The following ITPR2 variants were observed in gnomAD, a reference collection of about 807,000 sequenced individuals.
ITPR2 encodes inositol 1,4,5-trisphosphate-gated calcium channel ITPR2.
In ITPR2, 207 loss-of-function variants were observed where a neutral mutation model predicts 317.1. The observed-to-expected ratio is 0.65, with a 90% confidence interval of 0.58 to 0.73. The LOEUF (loss-of-function observed/expected upper bound fraction) is 0.73. ITPR2 is among the 30% of genes least tolerant of loss of function. The pLI is 0.00. For missense variants in ITPR2, 2,613 were observed against 3,284.0 expected (o/e 0.80, Z 4.99); for synonymous variants, 1,156 against 1,149.1 (o/e 1.01, Z -0.12).
intron 34 of ITPR2, among the ~76,000 whole-genome samples, chr12:26,565,170 T>C (rs1347596992): frequency 6.6e-6 from 1 of 152,042 alleles, no homozygotes; most frequent in Non-Finnish European, 1.5e-5. Flanking sequence ...AAAATTACTC[T>C]AAAAAAAGAG....
Position 26,494,305 on chromosome 12 carries a change from TC to T in ITPR2, c.5217del (p.Ile1740TyrfsTer23). ...AGACACTGAATGTCTGACATTGATA[TC>T]CCCATCTTATCTGAATCTTGTCCAG... Reference protein sequence around the residue: ...SFSGQDSDKMGISMSDIQCLL... With the variant: ...SFSGQDSDKMXISMSDIQCLL... On this transcript the variant is annotated frameshift_variant, in exon 39 of 57. Transcript: ENST00000381340. LOFTEE classifies it high-confidence loss of function. The T allele has an allele frequency of 6.2e-7, 1 of 1,611,668 alleles. No individual in the cohort carries two copies. The highest frequency in any genetic ancestry group is 2.2e-5 in the East Asian group (1 of 44,608).
chr12:26,784,451 C>A (rs1293810479), intron 2 of ITPR2, among the ~76,000 whole-genome samples: 9 of 150,412 alleles, frequency 6.0e-5, no homozygotes, highest in Admixed American at 6.6e-5. Context: ...AGCCTCCCTG[C>A]CTGATTCTCC....
intron 45 of ITPR2, among the ~76,000 whole-genome samples, chr12:26,471,658 GAAC>G (rs1345960833): frequency 2.6e-5 from 4 of 152,096 alleles, no homozygotes; most frequent in African/African-American, 7.2e-5. Context: ...ACCATGAAAA[GAAC>G]AACAACAAAA....
chr12:26,588,974 C>T (rs964989315), intron 32 of ITPR2, among the ~76,000 whole-genome samples: 1 of 152,202 alleles, frequency 6.6e-6, no homozygotes, highest in Non-Finnish European at 1.5e-5. Context: ...AGTCTACCCT[C>T]TTTACGTGCC....
chr12:26,669,766 CA>C (rs1947708933), intron 13 of ITPR2, among the ~76,000 whole-genome samples: 1 of 152,236 alleles, frequency 6.6e-6, no homozygotes, highest in Non-Finnish European at 1.5e-5. Flanking sequence ...TCAGGAAGCG[CA>C]AGGGGTCAGG....
At chr12:26,796,716 T>C (rs7296513) in intron 1 of ITPR2, among the ~76,000 whole-genome samples, 104,334 of 152,058 alleles carry the variant, frequency 0.69, 37,122 homozygotes, top group East Asian at 0.95. Flanking sequence ...AAATTTTCAT[T>C]AACAGTAACA....
chr12:26,521,681 C>T (rs748115998), intron 37 of ITPR2, among the ~76,000 whole-genome samples: 18 of 152,260 alleles, frequency 1.2e-4, no homozygotes, highest in Middle Eastern at 6.8e-3. Flanking sequence ...GAGAGATGCT[C>T]AGGGAGTCCC....
intron 2 of ITPR2, among the ~76,000 whole-genome samples, chr12:26,750,368 C>T (rs1338689465): frequency 6.6e-6 from 1 of 152,138 alleles, no homozygotes; most frequent in African/African-American, 2.4e-5. Flanking sequence ...CATGCCACCC[C>T]ATCATGTCCT....
chr12:26,816,848 C>A (rs1322677162), intron 1 of ITPR2, among the ~76,000 whole-genome samples: 6 of 151,512 alleles, frequency 4.0e-5, no homozygotes, highest in Non-Finnish European at 7.4e-5. Flanking sequence ...GGGAAATTGA[C>A]CAGACAGAGG....
intron 1 of ITPR2, among the ~76,000 whole-genome samples, chr12:26,830,871 T>C (rs1467114193): frequency 2.0e-5 from 3 of 152,222 alleles, no homozygotes; most frequent in Admixed American, 6.5e-5. Context: ...CTACTCACTT[T>C]ACATATATTA....
intron 37 of ITPR2, among the ~76,000 whole-genome samples, chr12:26,539,272 G>A (rs983510932): frequency 1.3e-5 from 2 of 152,192 alleles, no homozygotes; most frequent in Non-Finnish European, 2.9e-5. Context: ...AGGAGAGCCT[G>A]ATGCTGCTTG....
chr12:26,829,052 G>A (rs940925004), intron 1 of ITPR2, among the ~76,000 whole-genome samples: 1 of 152,128 alleles, frequency 6.6e-6, no homozygotes, highest in African/African-American at 2.4e-5. Context: ...TGAACAGCAT[G>A]GTTTCTTTAG....
rs187117603 is a variant in ITPR2 at position 26,481,124 on chromosome 12, G to A, written c.6123+7C>T. On this transcript the variant is annotated splice_region_variant and intron_variant, in intron 43 of 56. Coordinates refer to ENST00000381340, the MANE Select transcript of ITPR2 (RefSeq NM_002223.4). The stretch of plus-strand genomic sequence containing the variant: ...CTTTTCTGGCCTGAACAGTGGAATC[G>A]CTCTACCTTTAGCTGGAGCACCAGG... 36 of 1,549,308 alleles carry A rather than the reference G, an allele frequency of 2.3e-5. No individual in the cohort carries two copies. The East Asian group carries it at 5.6e-4, about 24-fold the overall frequency.
At chr12:26,494,415 A>T (rs1172205532) in intron 38 of ITPR2, 75 bp from the exon 39 acceptor site, 13 of 874,134 alleles carry the variant, frequency 1.5e-5, no homozygotes, top group Non-Finnish European at 2.1e-5. Context: ...AAATTCTTAA[A>T]TTTTATTATT....
At chr12:26,666,320 G>A (rs7302853) in intron 13 of ITPR2, among the ~76,000 whole-genome samples, 51,900 of 152,026 alleles carry the variant, frequency 0.34, 9,673 homozygotes, top group East Asian at 0.64. Context: ...GTTTACCTAA[G>A]CCTTTACAAA....
At chr12:26,790,755 G>T (rs1950328734) in intron 1 of ITPR2, among the ~76,000 whole-genome samples, 1 of 152,140 alleles carries the variant, frequency 6.6e-6, no homozygotes, top group African/African-American at 2.4e-5. Flanking sequence ...AAGCTTATGA[G>T]ATCAGGCTTC....
intron 6 of ITPR2, 107 bp from the exon 7 acceptor site, chr12:26,715,942 A>G: frequency 3.5e-6 from 3 of 851,142 alleles, no homozygotes; most frequent in Non-Finnish European, 5.7e-6. Flanking sequence ...TTGGATAATG[A>G]AGTATATAGC....
At chr12:26,681,229 C>G (rs935227671) in intron 13 of ITPR2, among the ~76,000 whole-genome samples, 1 of 152,164 alleles carries the variant, frequency 6.6e-6, no homozygotes, top group African/African-American at 2.4e-5. Flanking sequence ...TTATGTAAAA[C>G]AGGAATACCT....
chr12:26,627,576 G>A (rs1386973167), intron 23 of ITPR2, among the ~76,000 whole-genome samples: 1 of 152,212 alleles, frequency 6.6e-6, no homozygotes, highest in Non-Finnish European at 1.5e-5. Flanking sequence ...TTCACAATCT[G>A]TCTCAGTTCT....
Sources: allele counts gnomAD v4.1 joint callset (sites outside exome capture counted in the v4.1 genomes callset), GRCh38; gene constraint gnomAD v4.1.1; transcripts MANE v1.5; gene names NCBI Gene and HGNC (gene_info 2026-07-23, HGNC 2026-07-21).